RETREG3: variants seen among roughly 807,000 people sequenced by gnomAD.
RETREG3 encodes the protein reticulophagy regulator 3.
A neutral mutation model predicts 50.2 loss-of-function variants in RETREG3; 23 were observed. The ratio of observed to expected loss-of-function variants is 0.46; its 90% CI spans 0.33 to 0.65. RETREG3 has a LOEUF of 0.65. Ranked by LOEUF, RETREG3 falls within the 30% of genes least tolerant of loss-of-function variation. The pLI is 0.02. For synonymous variants in RETREG3, 240 were observed against 234.4 expected, an observed-to-expected ratio of 1.02 and a Z score of -0.22; for missense variants, 546 against 598.0, an observed-to-expected ratio of 0.91 and a Z score of 0.91.
intron 1 of RETREG3, chr17:42,605,188 TCA>T (rs1308693920): frequency 6.6e-6 from 1 of 151,400 alleles, no homozygotes; most frequent in Non-Finnish European, 1.5e-5. Context: ...GAGGGCATAT[TCA>T]CAGTTACGGC....
At chr17:42,594,171 C>T (rs761556651) in intron 1 of RETREG3, among the ~76,000 whole-genome samples, 42 of 151,922 alleles carry the variant, frequency 2.8e-4, no homozygotes, top group Non-Finnish European at 5.3e-4. Context: ...GCCTGGGTAA[C>T]GGAGTGAGAT....
intron 1 of RETREG3, among the ~76,000 whole-genome samples, chr17:42,597,603 A>C (rs374289400): frequency 6.9e-5 from 1 of 14,542 alleles, no homozygotes; most frequent in Non-Finnish European, 1.3e-4. Flanking sequence ...ATATATATAT[A>C]TATATATATA....
At chr17:42,604,551 T>A (rs1298637088) in intron 1 of RETREG3, among the ~76,000 whole-genome samples, 1 of 151,882 alleles carries the variant, frequency 6.6e-6, no homozygotes, top group African/African-American at 2.4e-5. Context: ...GTGCCTCTAG[T>A]CCCAGCTACT....
At chr17:42,592,739 G>A (rs1215756550) in intron 1 of RETREG3, among the ~76,000 whole-genome samples, 1 of 152,010 alleles carries the variant, frequency 6.6e-6, no homozygotes, top group Non-Finnish European at 1.5e-5. Context: ...ATCACCTGAG[G>A]TCGGGAGTTT....
chr17:42,597,613 ATATATATTTTTTTTTTTTT>A (rs1567925533), intron 1 of RETREG3, among the ~76,000 whole-genome samples: 1,773 of 53,730 alleles, frequency 0.033, 157 homozygotes, highest in African/African-American at 0.13. Context: ...ATATATATAT[ATATATATTTTTTTTTTTTT>A]TTTTTTTTTT....
chr17:42,588,849 T>C (rs1228113636), intron 2 of RETREG3, among the ~76,000 whole-genome samples: 1 of 151,352 alleles, frequency 6.6e-6, no homozygotes, highest in Non-Finnish European at 1.5e-5. Context: ...TAGAGACAGG[T>C]TTTTGCTATG....
intron 1 of RETREG3, among the ~76,000 whole-genome samples, chr17:42,607,876 G>A (rs186814750): frequency 1.3e-5 from 2 of 151,734 alleles, no homozygotes; most frequent in African/African-American, 4.8e-5. Flanking sequence ...GTTTACCATC[G>A]AGTTTGCTAA....
intron 1 of RETREG3, chr17:42,598,605 T>C (rs960563993): frequency 6.6e-6 from 1 of 152,222 alleles, no homozygotes; most frequent in African/African-American, 2.4e-5. Flanking sequence ...TTTCCCTATC[T>C]GAATGTCTTC....
At chr17:42,608,132 G>T (rs1010961116) in intron 1 of RETREG3, among the ~76,000 whole-genome samples, 20 of 152,206 alleles carry the variant, frequency 1.3e-4, no homozygotes, top group African/African-American at 4.6e-4. Context: ...CACATATTTT[G>T]TTGTTTCAGG....
chr17:42,582,366 A>G, intron 8 of RETREG3, 96 bp from the exon 9 acceptor site: 1 of 1,235,528 alleles, frequency 8.1e-7, no homozygotes, highest in Non-Finnish European at 1.1e-6. Flanking sequence ...TGGCTTTCTC[A>G]GGGCGAAATA....
intron 1 of RETREG3, among the ~76,000 whole-genome samples, chr17:42,599,949 G>A (rs1379959232): frequency 1.3e-5 from 2 of 151,896 alleles, no homozygotes; most frequent in Admixed American, 6.6e-5. Context: ...AGCCGTTATC[G>A]TGCCACTGTA....
chr17:42,606,929 G>A (rs1418562177), intron 1 of RETREG3, among the ~76,000 whole-genome samples: 1 of 151,456 alleles, frequency 6.6e-6, no homozygotes, highest in African/African-American at 2.4e-5. Context: ...CCTGGGAGGA[G>A]GAGGTTGTAG....
At chr17:42,592,593 G>A (rs191052499) in intron 1 of RETREG3, among the ~76,000 whole-genome samples, 1 of 152,280 alleles carries the variant, frequency 6.6e-6, no homozygotes, top group East Asian at 1.9e-4. Flanking sequence ...TACAGATCTA[G>A]GAACTGAGGC....
In RETREG3 at chr17:42,582,089, G is replaced by A. The variant is rs146279736; in HGVS notation, c.1125C>T (p.Asp375=). 3.3e-3 allele frequency: 5,397 copies of A among 1,614,084 alleles called. 19 individuals carry two copies. Among genetic ancestry groups the A allele is most frequent in the Non-Finnish European group, 3.1e-3 (3,664 of 1,180,022 alleles). ...EEPQAPPASR[D]EAALPELLLG... ...GCAGGAGCTCCGGCAGCGCAGCCTC[G>A]TCCCGGCTGGCAGGTGGGGCCTGGG... The change falls in exon 9 of 9, where the codon GAC becomes GAT. Residue 375 remains aspartate, a synonymous_variant. Transcript: ENST00000309428.
intron 1 of RETREG3, among the ~76,000 whole-genome samples, chr17:42,592,440 T>C (rs1486578540): frequency 1.3e-5 from 2 of 152,248 alleles, no homozygotes; most frequent in African/African-American, 4.8e-5. Context: ...TCTATATCTC[T>C]ATTAATTTCA....
At chr17:42,584,562 C>A (rs960110716) in intron 6 of RETREG3, among the ~76,000 whole-genome samples, 2 of 152,142 alleles carry the variant, frequency 1.3e-5, no homozygotes, top group African/African-American at 4.8e-5. Flanking sequence ...GTAATCCCAA[C>A]ACTTTGGAAC....
intron 1 of RETREG3, among the ~76,000 whole-genome samples, chr17:42,604,203 T>C (rs1402070374): frequency 2.6e-5 from 4 of 152,148 alleles, no homozygotes; most frequent in African/African-American, 9.7e-5. Flanking sequence ...TTACATTTCA[T>C]TTGTGAAATA....
At chr17:42,603,216 A>C (rs1409696997) in intron 1 of RETREG3, among the ~76,000 whole-genome samples, 1 of 152,160 alleles carries the variant, frequency 6.6e-6, no homozygotes, top group Non-Finnish European at 1.5e-5. Flanking sequence ...ATGGAGCCTC[A>C]CTATTAGTAC....
chr17:42,604,187 A>C (rs2090074274), intron 1 of RETREG3, among the ~76,000 whole-genome samples: 2 of 152,064 alleles, frequency 1.3e-5, no homozygotes, highest in African/African-American at 4.8e-5. Context: ...GACAAAAATA[A>C]AATTTTTACA....
Sources: allele counts gnomAD v4.1 joint callset (sites outside exome capture counted in the v4.1 genomes callset), GRCh38; gene constraint gnomAD v4.1.1; transcripts MANE v1.5; gene names NCBI Gene and HGNC (gene_info 2026-07-23, HGNC 2026-07-21).